The following SNTG2 variants were observed in gnomAD, a reference collection of about 807,000 sequenced individuals.
SNTG2 encodes the protein syntrophin gamma 2, also known as gamma-2-syntrophin.
A neutral mutation model predicts 70.9 loss-of-function variants in SNTG2; 74 were observed. The ratio of observed to expected loss-of-function variants is 1.04; its 90% CI spans 0.86 to 1.27. The LOEUF is 1.27. SNTG2 is among the 50% of genes most tolerant of loss of function. The pLI is 0.00. For synonymous variants in SNTG2, 278 were observed against 273.8 expected (o/e 1.02, Z -0.15); for missense variants, 717 against 690.7 (o/e 1.04, Z -0.43).
At chr2:1,229,154 C>A (rs1234279039) in intron 9 of SNTG2, among the ~76,000 whole-genome samples, 1 of 152,160 alleles carries the variant, frequency 6.6e-6, no homozygotes, top group East Asian at 1.9e-4. Context: ...GAGCGGGTTG[C>A]CACTGCTGGC....
In SNTG2 at chr2:982,281, TA is replaced by T. The variant is rs745547435; in HGVS notation, c.72+31216del. 3.9e-5 allele frequency among the ~76,000 whole-genome samples: 6 copies of T among 152,230 alleles called. No homozygotes were observed. In the South Asian group the frequency reaches 1.2e-3, roughly 31 times the overall value. On this transcript the variant is annotated intron_variant, in intron 1 of 16. Transcript: ENST00000308624. ...TCACAGTGTATACATTGTTTTAATA[TA>T]AAGTAAGCCTTACAGTTACCAGTTA... is the stretch of plus-strand genomic sequence containing the variant.
At chr2:1,235,034 G>A (rs529469638) in intron 9 of SNTG2, among the ~76,000 whole-genome samples, 1 of 152,212 alleles carries the variant, frequency 6.6e-6, no homozygotes, top group East Asian at 1.9e-4. Flanking sequence ...GGAGCCAAGC[G>A]GTGACCATGC....
At chr2:1,199,822 C>A (rs138600654) in intron 8 of SNTG2, among the ~76,000 whole-genome samples, 3 of 151,834 alleles carry the variant, frequency 2.0e-5, no homozygotes, top group Non-Finnish European at 4.4e-5. Flanking sequence ...GGTAAATGAC[C>A]TCTACAAGAA....
intron 1 of SNTG2, among the ~76,000 whole-genome samples, chr2:989,477 A>C (rs902299710): frequency 1.3e-5 from 2 of 152,164 alleles, no homozygotes; most frequent in African/African-American, 4.8e-5. Context: ...ATATGATTTT[A>C]GTTTTGTAGT....
At chr2:1,214,162 T>C (rs1216835123) in intron 9 of SNTG2, among the ~76,000 whole-genome samples, 3 of 152,268 alleles carry the variant, frequency 2.0e-5, no homozygotes, top group African/African-American at 7.2e-5. Flanking sequence ...CTTTATAATA[T>C]GTTTTGAAAT....
chr2:1,213,352 C>T (rs1401900702), intron 9 of SNTG2, among the ~76,000 whole-genome samples: 1 of 152,154 alleles, frequency 6.6e-6, no homozygotes, highest in Non-Finnish European at 1.5e-5. Context: ...AACCAATTTT[C>T]CCATAGGCTA....
chr2:1,124,345 A>C (rs1572502341), intron 4 of SNTG2, among the ~76,000 whole-genome samples: 1 of 144,526 alleles, frequency 6.9e-6, no homozygotes, highest in Admixed American at 7.2e-5. Context: ...CCCAGGCTGG[A>C]GTGCAGTGGT....
rs116418777 is a variant in SNTG2, at chr2:1,255,792, G to A, written c.1006-3578G>A. Among the ~76,000 whole-genome samples, 49 of 130,094 alleles carry A rather than the reference G, an allele frequency of 3.8e-4. 1 individual carries two copies. The highest frequency in any genetic ancestry group is 7.9e-4 in the Admixed American group (9 of 11,380). The allele number at this position is 130,094 out of a possible 152,430, so 85.3% of individuals were successfully genotyped here. A position where few individuals can be genotyped will look rare whatever the true frequency, so the allele number is the denominator to read the frequency against. On this transcript the variant is annotated intron_variant, in intron 12 of 16. Coordinates refer to ENST00000308624, the MANE Select transcript of SNTG2 (RefSeq NM_018968.4). ...ATCTTCTAATTATATGTGTGTGTGT[G>A]TATATATATATATACACAAAGTTGT... is the stretch of plus-strand genomic sequence containing the variant.
intron 1 of SNTG2, among the ~76,000 whole-genome samples, chr2:1,041,622 A>C (rs778911950): frequency 1.1e-4 from 17 of 151,968 alleles, no homozygotes; most frequent in Non-Finnish European, 2.2e-4. Context: ...AGTAAACATG[A>C]GCAGCACCTC....
At chr2:1,022,313 C>T (rs905368236) in intron 1 of SNTG2, among the ~76,000 whole-genome samples, 6 of 151,708 alleles carry the variant, frequency 4.0e-5, no homozygotes, top group Non-Finnish European at 8.8e-5. Flanking sequence ...CCCGTGAATC[C>T]TTGCGCTCAC....
chr2:1,111,126 C>A (rs1292265756), intron 4 of SNTG2, among the ~76,000 whole-genome samples: 2 of 152,184 alleles, frequency 1.3e-5, no homozygotes, highest in African/African-American at 4.8e-5. Flanking sequence ...GAAGAATATT[C>A]TGGTGTTACT....
intron 1 of SNTG2, among the ~76,000 whole-genome samples, chr2:985,305 C>A (rs1350589388): frequency 2.6e-5 from 4 of 151,266 alleles, no homozygotes; most frequent in African/African-American, 4.9e-5. Context: ...TTTTTTTTGG[C>A]AAATTTAGAA....
chr2:1,272,971 T>C (rs1679113999), intron 14 of SNTG2, among the ~76,000 whole-genome samples: 1 of 152,212 alleles, frequency 6.6e-6, no homozygotes, highest in Non-Finnish European at 1.5e-5. Flanking sequence ...ATCACGTTTA[T>C]GAAATTTTCC....
At chr2:1,363,145 A>G (rs1661294230) in intron 16 of SNTG2, among the ~76,000 whole-genome samples, 1 of 145,630 alleles carries the variant, frequency 6.9e-6, no homozygotes, top group Admixed American at 6.8e-5. Flanking sequence ...CCCATGAAAG[A>G]GGAACCATGA....
At chr2:1,195,468 G>A (rs938201974) in intron 8 of SNTG2, among the ~76,000 whole-genome samples, 2 of 152,182 alleles carry the variant, frequency 1.3e-5, no homozygotes, top group African/African-American at 4.8e-5. Context: ...TTTCTCTAAT[G>A]ACTAGTGATA....
At chr2:1,310,052 T>A (rs945833250) in intron 15 of SNTG2, among the ~76,000 whole-genome samples, 2 of 152,350 alleles carry the variant, frequency 1.3e-5, no homozygotes, top group East Asian at 1.9e-4. Context: ...CCATACAGCT[T>A]CTTAAAGAGA....
intron 7 of SNTG2, among the ~76,000 whole-genome samples, chr2:1,171,611 TCAC>T (rs1218962651): frequency 6.6e-6 from 1 of 152,180 alleles, no homozygotes; most frequent in Non-Finnish European, 1.5e-5. Flanking sequence ...AGCAGAGTCT[TCAC>T]CAGACAGTAA....
chr2:1,357,335 T>G (rs1483304885), intron 16 of SNTG2, among the ~76,000 whole-genome samples: 1 of 152,166 alleles, frequency 6.6e-6, no homozygotes, highest in African/African-American at 2.4e-5. Flanking sequence ...TTCCTACTTT[T>G]TATTACTTTT....
intron 16 of SNTG2, among the ~76,000 whole-genome samples, chr2:1,326,240 G>A (rs933720843): frequency 6.6e-6 from 1 of 152,144 alleles, no homozygotes; most frequent in Non-Finnish European, 1.5e-5. Flanking sequence ...ATGTGATATT[G>A]TTTCTCTTAT....
Sources: gnomAD v4.1 joint callset for allele counts (sites outside exome capture counted in the v4.1 genomes callset) on GRCh38, gnomAD v4.1.1 for gene constraint, MANE v1.5 for transcripts, NCBI Gene and HGNC (gene_info 2026-07-23, HGNC 2026-07-21) for gene names.